The following PTPRD variants were observed in gnomAD, a reference collection of about 807,000 sequenced individuals.
PTPRD encodes the protein receptor-type tyrosine-protein phosphatase delta.
A neutral mutation model predicts 214.5 loss-of-function variants in PTPRD; 34 were observed. The ratio of observed to expected loss-of-function variants is 0.16; its 90% confidence interval spans 0.12 to 0.21. The LOEUF (loss-of-function observed/expected upper bound fraction) is 0.21. Ranked by LOEUF, PTPRD falls within the 10% of genes least tolerant of loss-of-function variation. PTPRD has a pLI of 1.00. For synonymous variants in PTPRD, 1,128 were observed against 845.7 expected (o/e 1.33, Z -5.79); for missense variants, 2,545 against 2,398.7 (o/e 1.06, Z -1.27).
intron 5 of PTPRD, among the ~76,000 whole-genome samples, chr9:9,786,984 A>C (rs141562692): frequency 6.6e-6 from 1 of 152,158 alleles, no homozygotes; most frequent in African/African-American, 2.4e-5. Context: ...AAAGATTCAA[A>C]AAAATTAGCT....
chr9:9,861,166 A>C (rs1044081767), intron 5 of PTPRD, among the ~76,000 whole-genome samples: 1 of 152,228 alleles, frequency 6.6e-6, no homozygotes, highest in Non-Finnish European at 1.5e-5. Flanking sequence ...CCACATTTCT[A>C]TCACATGAGT....
intron 12 of PTPRD, among the ~76,000 whole-genome samples, chr9:8,679,270 A>C (rs1231449543): frequency 6.6e-6 from 1 of 152,188 alleles, no homozygotes; most frequent in Non-Finnish European, 1.5e-5. Flanking sequence ...AGCAAATCAC[A>C]TCCTCTTGAT....
intron 2 of PTPRD, among the ~76,000 whole-genome samples, chr9:10,536,092 G>C (rs1034236910): frequency 6.6e-6 from 1 of 152,104 alleles, no homozygotes; most frequent in Non-Finnish European, 1.5e-5. Context: ...CTAGACTACT[G>C]TTTAGATTCC....
chr9:8,864,309 C>A (rs965875201), intron 11 of PTPRD, among the ~76,000 whole-genome samples: 2 of 152,182 alleles, frequency 1.3e-5, no homozygotes, highest in African/African-American at 4.8e-5. Context: ...TTTGCACAAG[C>A]CTGACTCTTA....
At chr9:9,675,001 T>C (rs1329260713) in intron 7 of PTPRD, among the ~76,000 whole-genome samples, 1 of 151,862 alleles carries the variant, frequency 6.6e-6, no homozygotes, top group South Asian at 2.1e-4. Context: ...CATAGAATTC[T>C]AGATAACAAC....
chr9:10,521,097 G>C (rs2052090066), intron 2 of PTPRD, among the ~76,000 whole-genome samples: 1 of 151,886 alleles, frequency 6.6e-6, no homozygotes, highest in Admixed American at 6.6e-5. Flanking sequence ...TCTGGGAAAA[G>C]TGCACTGAAA....
chr9:8,458,494 A>G (rs960330533), intron 33 of PTPRD, among the ~76,000 whole-genome samples: 39 of 152,128 alleles, frequency 2.6e-4, no homozygotes, highest in African/African-American at 8.9e-4. Flanking sequence ...CCTGTCAACA[A>G]TCCCTTGTTT....
rs570401218 is a variant in PTPRD, at chr9:9,816,185, G to T, written c.-367-49334C>A. 2.0e-5 allele frequency among the ~76,000 whole-genome samples: 3 copies of T among 151,732 alleles called. No homozygotes were observed. In the South Asian group the frequency reaches 6.3e-4, roughly 32 times the overall value. On this transcript the variant is annotated intron_variant, in intron 5 of 45. Transcript: ENST00000381196. Reference sequence around the variant, plus strand: ...GGAAAACAAAATATTTGTTTTCTTGGCTAGTCTGAAAGAAGCAGACAATTT... The same window carrying T: ...GGAAAACAAAATATTTGTTTTCTTGTCTAGTCTGAAAGAAGCAGACAATTT...
chr9:9,257,094 T>G (rs1401902639), intron 9 of PTPRD, among the ~76,000 whole-genome samples: 1 of 151,972 alleles, frequency 6.6e-6, no homozygotes, highest in Admixed American at 6.6e-5. Context: ...ATCTTAACTG[T>G]GGCCCATATG....
chr9:9,298,911 T>C (rs1472009706), intron 9 of PTPRD, among the ~76,000 whole-genome samples: 2 of 151,784 alleles, frequency 1.3e-5, no homozygotes, highest in Non-Finnish European at 2.9e-5. Flanking sequence ...AATGTTTCCA[T>C]CACAATGAGC....
chr9:10,233,875 C>G (rs1339440747), intron 3 of PTPRD, among the ~76,000 whole-genome samples: 1 of 151,910 alleles, frequency 6.6e-6, no homozygotes, highest in African/African-American at 2.4e-5. Context: ...TAAGAGGACT[C>G]AGGGGCAAAT....
chr9:9,670,755 T>C (rs933195395), intron 7 of PTPRD, among the ~76,000 whole-genome samples: 9 of 152,148 alleles, frequency 5.9e-5, no homozygotes, highest in African/African-American at 2.2e-4. Flanking sequence ...CCACATGGTG[T>C]TGAGCCTGCG....
chr9:10,564,546 T>C (rs117834521), intron 2 of PTPRD, among the ~76,000 whole-genome samples: 258 of 152,196 alleles, frequency 1.7e-3, no homozygotes, highest in Non-Finnish European at 2.7e-3. Flanking sequence ...CAAGGGCAGA[T>C]AGCCTAAGAA....
At chr9:9,746,026 TTA>T (rs1012796986) in intron 6 of PTPRD, among the ~76,000 whole-genome samples, 2 of 152,070 alleles carry the variant, frequency 1.3e-5, no homozygotes, top group Admixed American at 6.6e-5. Context: ...AAATAAGATT[TTA>T]TATGAGTACT....
chr9:10,056,813 A>C (rs2097659514), intron 3 of PTPRD, among the ~76,000 whole-genome samples: 1 of 152,154 alleles, frequency 6.6e-6, no homozygotes, highest in Middle Eastern at 3.2e-3. Flanking sequence ...TGCAAGCTGT[A>C]TTAACTCTTA....
At chr9:8,801,901 A>T (rs1440525893) in intron 11 of PTPRD, among the ~76,000 whole-genome samples, 1 of 152,166 alleles carries the variant, frequency 6.6e-6, no homozygotes, top group African/African-American at 2.4e-5. Flanking sequence ...AGCAGTTTTT[A>T]AAAAAGAAAG....
rs114985535 is a variant in PTPRD, at chr9:10,049,680, T to C, written c.-544-15890A>G. Among the ~76,000 whole-genome samples the C allele has an allele frequency of 9.6e-3, 1,459 of 152,318 alleles. 19 individuals are homozygous for C. Among genetic ancestry groups the C allele is most frequent in the African/African-American group, 0.031 (1,275 of 41,574 alleles). On this transcript the variant is annotated intron_variant, in intron 3 of 45. Transcript: ENST00000381196. Reference sequence around the variant, plus strand: ...CTCTGCAGTTTATAAGAATCTTCAGTAAAGAAAGACGAGTGTATACCAAGT... The same window carrying C: ...CTCTGCAGTTTATAAGAATCTTCAGCAAAGAAAGACGAGTGTATACCAAGT...
chr9:9,218,824 A>G (rs553134950), intron 9 of PTPRD, among the ~76,000 whole-genome samples: 44 of 152,242 alleles, frequency 2.9e-4, no homozygotes, highest in Admixed American at 6.5e-4. Context: ...GAGGTAAAAA[A>G]CACTACCAGA....
intron 5 of PTPRD, among the ~76,000 whole-genome samples, chr9:9,895,610 G>T (rs559318274): frequency 3.9e-5 from 6 of 152,016 alleles, no homozygotes; most frequent in African/African-American, 1.4e-4. Flanking sequence ...GGAGGGTTTG[G>T]AAAATGATGG....
Sources: gnomAD v4.1 joint callset for allele counts (sites outside exome capture counted in the v4.1 genomes callset) on GRCh38, gnomAD v4.1.1 for gene constraint, MANE v1.5 for transcripts, NCBI Gene and HGNC (gene_info 2026-07-23, HGNC 2026-07-21) for gene names.